SLX4IP: variants seen among roughly 807,000 people sequenced by gnomAD.
SLX4IP encodes the protein SLX4 interacting protein, also known as protein SLX4IP.
In SLX4IP, 34 loss-of-function variants were observed where a neutral mutation model predicts 32.9. The ratio of observed to expected loss-of-function variants is 1.03; its 90% confidence interval spans 0.79 to 1.38. The LOEUF is 1.38. Among genes scored for constraint, SLX4IP ranks in the 40% most tolerant of loss-of-function variants. The pLI, the probability that SLX4IP is intolerant of heterozygous loss-of-function variation, is 0.00. For synonymous variants in SLX4IP, 172 were observed against 171.7 expected (o/e 1.00, Z -0.01); for missense variants, 444 against 479.0 (o/e 0.93, Z 0.68).
chr20:10,565,249 C>T (rs2066378544), intron 4 of SLX4IP, among the ~76,000 whole-genome samples: 1 of 152,120 alleles, frequency 6.6e-6, no homozygotes, highest in African/African-American at 2.4e-5. Flanking sequence ...TTCACTTTTT[C>T]TCTGCTTGAG....
intron 4 of SLX4IP, 23 bp downstream of exon 4, chr20:10,560,843 T>G: frequency 6.5e-7 from 1 of 1,544,414 alleles, no homozygotes; most frequent in Non-Finnish European, 8.7e-7. Context: ...CACTTTGATT[T>G]TGGACAAAAA....
intron 2 of SLX4IP, among the ~76,000 whole-genome samples, chr20:10,484,969 A>G (rs1323901859): frequency 1.3e-5 from 2 of 152,088 alleles, no homozygotes; most frequent in Non-Finnish European, 2.9e-5. Flanking sequence ...GTAGAAATGA[A>G]GATGGCTTGA....
intron 2 of SLX4IP, among the ~76,000 whole-genome samples, chr20:10,499,363 A>G (rs1320848238): frequency 1.3e-5 from 2 of 152,236 alleles, no homozygotes; most frequent in Non-Finnish European, 2.9e-5. Flanking sequence ...AATTGAAACC[A>G]AAGTATCACA....
chr20:10,497,837 A>T (rs923169010), intron 2 of SLX4IP, among the ~76,000 whole-genome samples: 7 of 151,554 alleles, frequency 4.6e-5, no homozygotes, highest in Non-Finnish European at 1.0e-4. Context: ...CTTTAAAAAA[A>T]TTTTTTTTGG....
intron 4 of SLX4IP, 32 bp downstream of exon 4, chr20:10,560,852 A>G: frequency 1.3e-6 from 2 of 1,539,256 alleles, no homozygotes; most frequent in Non-Finnish European, 1.7e-6. Context: ...TTTGGACAAA[A>G]AATAAATAGA....
At chr20:10,505,485 G>A (rs536153994) in intron 2 of SLX4IP, among the ~76,000 whole-genome samples, 1 of 152,226 alleles carries the variant, frequency 6.6e-6, no homozygotes, top group South Asian at 2.1e-4. Context: ...GTGAACTTAG[G>A]GCCCCTCCTC....
chr20:10,527,098 C>T (rs1445990074), intron 2 of SLX4IP, among the ~76,000 whole-genome samples: 1 of 152,146 alleles, frequency 6.6e-6, no homozygotes, highest in Non-Finnish European at 1.5e-5. Flanking sequence ...TGATCACATA[C>T]CATCAGTATT....
intron 2 of SLX4IP, among the ~76,000 whole-genome samples, chr20:10,485,355 C>A (rs1212490135): frequency 1.3e-5 from 2 of 152,114 alleles, no homozygotes; most frequent in Admixed American, 6.6e-5. Flanking sequence ...GTAAACCCAG[C>A]ACTTTGGGAG....
chr20:10,454,874 G>A (rs185300821), intron 1 of SLX4IP, among the ~76,000 whole-genome samples: 1 of 152,258 alleles, frequency 6.6e-6, no homozygotes, highest in East Asian at 1.9e-4. Context: ...ATGTATGAGA[G>A]TTCCAGTTTA....
intron 1 of SLX4IP, among the ~76,000 whole-genome samples, chr20:10,455,831 G>C (rs187606228): frequency 6.6e-6 from 1 of 152,086 alleles, no homozygotes; most frequent in East Asian, 1.9e-4. Flanking sequence ...GGGTTGTCTC[G>C]AACTCCTGGC....
intron 2 of SLX4IP, among the ~76,000 whole-genome samples, chr20:10,501,210 T>C (rs1242676172): frequency 1.3e-5 from 2 of 152,192 alleles, no homozygotes; most frequent in Non-Finnish European, 2.9e-5. Context: ...TATTTAGAAA[T>C]GCTAGTGATG....
intron 2 of SLX4IP, among the ~76,000 whole-genome samples, chr20:10,525,995 G>A (rs6074154): frequency 0.11 from 17,187 of 152,182 alleles, 1,305 homozygotes; most frequent in Non-Finnish European, 0.17. Context: ...AGCAGCAGAA[G>A]GGCCCCACTT....
chr20:10,462,114 A>G (rs1363291304), intron 2 of SLX4IP, among the ~76,000 whole-genome samples: 1 of 152,184 alleles, frequency 6.6e-6, no homozygotes, highest in Non-Finnish European at 1.5e-5. Flanking sequence ...ATGATAAAGT[A>G]TGGGGCAAAC....
chr20:10,445,311 C>CTTT (rs36058168), intron 1 of SLX4IP, among the ~76,000 whole-genome samples: 23 of 90,088 alleles, frequency 2.6e-4, no homozygotes, highest in East Asian at 5.4e-4. Context: ...TTTTTTCTTT[C>CTTT]TTTTTTTTTT....
chr20:10,457,816 C>A (rs1216354302), intron 1 of SLX4IP, among the ~76,000 whole-genome samples: 2 of 151,030 alleles, frequency 1.3e-5, no homozygotes, highest in Non-Finnish European at 2.9e-5. Context: ...AGCAGGGAAG[C>A]CATCTGAGCC....
At chr20:10,453,894 A>C (rs748513944) in intron 1 of SLX4IP, among the ~76,000 whole-genome samples, 5 of 151,818 alleles carry the variant, frequency 3.3e-5, no homozygotes, top group Non-Finnish European at 5.9e-5. Flanking sequence ...ATTTTTGCTG[A>C]AGTTTCTGAG....
chr20:10,464,718 G>A (rs903641855), intron 2 of SLX4IP, among the ~76,000 whole-genome samples: 1 of 152,128 alleles, frequency 6.6e-6, no homozygotes, highest in Non-Finnish European at 1.5e-5. Flanking sequence ...CCCTTGGAAT[G>A]GCATTAATTA....
At chr20:10,556,091 C>A in intron 2 of SLX4IP, 140 bp from the exon 3 acceptor site, 3 of 643,098 alleles carry the variant, frequency 4.7e-6, no homozygotes, top group East Asian at 2.9e-5. Context: ...TAACCATGTT[C>A]TTTATTAAAA....
intron 1 of SLX4IP, among the ~76,000 whole-genome samples, chr20:10,450,971 C>G (rs377402322): frequency 6.6e-6 from 1 of 152,134 alleles, no homozygotes; most frequent in Non-Finnish European, 1.5e-5. Context: ...CCAGGATGGT[C>G]TCGATCTCCT....
Sources: gnomAD v4.1 joint callset for allele counts (sites outside exome capture counted in the v4.1 genomes callset) on GRCh38, gnomAD v4.1.1 for gene constraint, MANE v1.5 for transcripts, NCBI Gene and HGNC (gene_info 2026-07-23, HGNC 2026-07-21) for gene names.